Variants in ABLIM1 observed in about 807,000 individuals in gnomAD.
ABLIM1 encodes the protein actin-binding LIM protein 1.
In ABLIM1, 40 loss-of-function variants were observed where a neutral mutation model predicts 107.0. The observed-to-expected ratio is 0.37, with a 90% CI of 0.29 to 0.49. The LOEUF (loss-of-function observed/expected upper bound fraction) is 0.49, where lower values mean the gene tolerates loss of function less well. Among genes scored for constraint, ABLIM1 ranks in the 20% least tolerant of loss-of-function variants. The pLI is 0.97. For missense variants in ABLIM1, 857 were observed against 1,008.5 expected (o/e 0.85, Z 2.04); for synonymous variants, 357 against 357.3 (o/e 1.00, Z 0.01).
rs1164587300 is a variant in ABLIM1 at position 114,583,404 on chromosome 10, AACACACACACACACAC to A, written c.380-7821_380-7806del. 5.4e-3 allele frequency among the ~76,000 whole-genome samples: 384 copies of A among 70,920 alleles called. 2 individuals carry two copies. Among genetic ancestry groups the A allele is most frequent in the Middle Eastern group, 6.7e-3 (1 of 150 alleles). The allele number at this position is 70,920 out of a possible 152,430, so 46.5% of individuals were successfully genotyped here. On this transcript the variant is annotated intron_variant, in intron 2 of 22. Transcript: ENST00000533213. ...TGCTCCAAGGCTGTGGAGAAAAGGGAACACACACACACACACACACACACACACACACACACACACA... is the reference window on the plus strand; with the variant it reads ...TGCTCCAAGGCTGTGGAGAAAAGGGAACACACACACACACACACACACACA...
chr10:114,573,404 G>A (rs2071993704), intron 3 of ABLIM1, among the ~76,000 whole-genome samples: 1 of 152,214 alleles, frequency 6.6e-6, no homozygotes, highest in Admixed American at 6.5e-5. Context: ...TCGTCATTCG[G>A]CAGCAGTAGA....
At chr10:114,631,763 A>C (rs1425651041) in intron 1 of ABLIM1, 1 of 875,932 alleles carries the variant, frequency 1.1e-6, no homozygotes, top group Non-Finnish European at 1.5e-6. Context: ...ATGGAAACCC[A>C]GACTTCACAA....
At chr10:114,546,776 A>G (rs937451414) in intron 5 of ABLIM1, among the ~76,000 whole-genome samples, 1 of 152,112 alleles carries the variant, frequency 6.6e-6, no homozygotes. Context: ...GAATTAATGA[A>G]TGAATTTATT....
At chr10:114,516,791 C>T (rs918027020) in intron 6 of ABLIM1, among the ~76,000 whole-genome samples, 2 of 152,206 alleles carry the variant, frequency 1.3e-5, no homozygotes, top group African/African-American at 4.8e-5. Context: ...TGCCATTCAG[C>T]TAAAACTCTC....
intron 1 of ABLIM1, among the ~76,000 whole-genome samples, chr10:114,767,368 G>A (rs1264640732): frequency 1.3e-5 from 2 of 152,158 alleles, no homozygotes; most frequent in Admixed American, 1.3e-4. Flanking sequence ...GCTGCAGAAT[G>A]ACTTGATCTC....
chr10:114,440,651 C>T (rs2139137769), intron 19 of ABLIM1, among the ~76,000 whole-genome samples: 1 of 152,124 alleles, frequency 6.6e-6, no homozygotes, highest in South Asian at 2.1e-4. Flanking sequence ...TTGGTAGAGA[C>T]AGGCCCACTT....
intron 6 of ABLIM1, chr10:114,526,585 C>CA: frequency 1.0e-6 from 1 of 981,422 alleles, no homozygotes; most frequent in Non-Finnish European, 1.2e-6. Flanking sequence ...TCCGACCTCA[C>CA]GAAGGAAGCC....
the ABLIM1 span, among the ~76,000 whole-genome samples, chr10:114,773,894 T>A: frequency 6.6e-6 from 1 of 150,388 alleles, no homozygotes; most frequent in Non-Finnish European, 1.5e-5. Context: ...TAGAGTAAAA[T>A]GACCACCATT....
At chr10:114,453,866 G>A (rs751940477) in intron 12 of ABLIM1, among the ~76,000 whole-genome samples, 16 of 152,206 alleles carry the variant, frequency 1.1e-4, no homozygotes, top group African/African-American at 3.9e-4. Context: ...GTAAAGGAGC[G>A]GGCTAGGCAA....
intron 6 of ABLIM1, among the ~76,000 whole-genome samples, chr10:114,520,819 T>C (rs2063620948): frequency 6.7e-6 from 1 of 150,066 alleles, no homozygotes; most frequent in African/African-American, 2.5e-5. Context: ...AAAATAATAA[T>C]AAAAAAAAAT....
Position 114,707,410 on chromosome 10 carries a change from T to G in ABLIM1, c.-213+60651A>C, listed in dbSNP as rs550248762. ...ACCACACTCAGCTAATTTTAAAATTTTTAGTAGAGACGAAGTTCACCATGT... is the reference window on the plus strand; with the variant it reads ...ACCACACTCAGCTAATTTTAAAATTGTTAGTAGAGACGAAGTTCACCATGT... On this transcript the variant is annotated intron_variant, in intron 1 of 15. Transcript: ENST00000651092. The surrounding 1 kb of genome is among the most constrained non-coding windows in gnomAD (Gnocchi z 4.1). Among the ~76,000 whole-genome samples the G allele has an allele frequency of 1.3e-5, 2 of 152,214 alleles. No homozygotes were observed. Among genetic ancestry groups the G allele is most frequent in the Admixed American group, 6.5e-5 (1 of 15,290 alleles).
chr10:114,715,299 G>T (rs1483705709), intron 1 of ABLIM1, among the ~76,000 whole-genome samples: 1 of 152,092 alleles, frequency 6.6e-6, no homozygotes, highest in Admixed American at 6.6e-5. Context: ...CTCCTAATTA[G>T]CTAGCCAAAC....
At chr10:114,610,155 A>G (rs2140205453) in intron 1 of ABLIM1, among the ~76,000 whole-genome samples, 1 of 152,362 alleles carries the variant, frequency 6.6e-6, no homozygotes, top group East Asian at 1.9e-4. Flanking sequence ...CAGATGAGGA[A>G]CAATGCTTGA....
At chr10:114,462,918 A>G (rs2064247232) in intron 12 of ABLIM1, 1 of 1,047,870 alleles carries the variant, frequency 9.5e-7, no homozygotes, top group African/African-American at 1.7e-5. Context: ...TAGTCATGAC[A>G]CACGCAGGCA....
At chr10:114,502,572 C>T (rs1288054222) in intron 6 of ABLIM1, among the ~76,000 whole-genome samples, 1 of 152,082 alleles carries the variant, frequency 6.6e-6, no homozygotes. Flanking sequence ...TCTTGGCTCA[C>T]TGCAACCTCC....
At chr10:114,769,319 G>A (rs1333648271), upstream of ABLIM1, among the ~76,000 whole-genome samples, 2 of 149,966 alleles carry the variant, frequency 1.3e-5, no homozygotes, top group Non-Finnish European at 3.0e-5. Context: ...CTCCAGCCTG[G>A]GTGACAGAGC....
At chr10:114,704,701 G>A (rs1319042436) in intron 1 of ABLIM1, among the ~76,000 whole-genome samples, 3 of 151,932 alleles carry the variant, frequency 2.0e-5, no homozygotes, top group Non-Finnish European at 2.9e-5. Context: ...GAGGCTGTGG[G>A]GTCCAAGGCC....
intron 8 of ABLIM1, among the ~76,000 whole-genome samples, chr10:114,475,221 T>C (rs528296313): frequency 7.2e-5 from 11 of 152,236 alleles, no homozygotes; most frequent in Admixed American, 4.6e-4. Context: ...GGAGTTCTCA[T>C]CCTCGCTTAC....
intron 1 of ABLIM1, among the ~76,000 whole-genome samples, chr10:114,740,822 T>C (rs926210180): frequency 2.9e-4 from 44 of 151,980 alleles, no homozygotes; most frequent in Admixed American, 1.2e-3. Context: ...GGCAGGAGGA[T>C]CACTTGAGGT....
Sources: allele counts gnomAD v4.1 joint callset (sites outside exome capture counted in the v4.1 genomes callset), GRCh38; gene constraint gnomAD v4.1.1; non-coding constraint Gnocchi (gnomAD v3.1); transcripts MANE v1.5; gene names NCBI Gene and HGNC (gene_info 2026-07-23, HGNC 2026-07-21).